The following VAT1L variants were observed in gnomAD, a reference collection of about 807,000 sequenced individuals.
VAT1L encodes putative NADPH-dependent quinone oxidoreductase VAT1L.
VAT1L carries 34 observed loss-of-function variants against 44.1 expected under a neutral mutation model. The ratio of observed to expected loss-of-function variants is 0.77; its 90% confidence interval spans 0.59 to 1.03. The LOEUF (loss-of-function observed/expected upper bound fraction) is 1.03. VAT1L is among the 50% of genes least tolerant of loss of function. The pLI, the probability that VAT1L is intolerant of heterozygous loss-of-function variation, is 0.00. For missense variants in VAT1L, 615 were observed against 538.8 expected, an observed-to-expected ratio of 1.14 and a Z score of -1.40; for synonymous variants, 253 against 202.2, an observed-to-expected ratio of 1.25 and a Z score of -2.13.
chr16:77,901,016 G>A (rs1476112803), intron 7 of VAT1L, among the ~76,000 whole-genome samples: 1 of 152,148 alleles, frequency 6.6e-6, no homozygotes, highest in Non-Finnish European at 1.5e-5. Context: ...TTCACGGTTG[G>A]CAAGCATCAA....
At chr16:77,891,150 C>T (rs1038053497) in intron 7 of VAT1L, among the ~76,000 whole-genome samples, 1 of 151,752 alleles carries the variant, frequency 6.6e-6, no homozygotes, top group East Asian at 1.9e-4. Context: ...GTGAGGAGAT[C>T]CAGACAATCC....
intron 3 of VAT1L, among the ~76,000 whole-genome samples, chr16:77,837,666 T>G (rs1207627671): frequency 1.3e-5 from 2 of 152,132 alleles, no homozygotes; most frequent in African/African-American, 2.4e-5. Flanking sequence ...GATTCTGGAG[T>G]CAGAGCTGGT....
chr16:77,970,119 C>G (rs996719883), intron 7 of VAT1L, among the ~76,000 whole-genome samples: 3 of 149,656 alleles, frequency 2.0e-5, no homozygotes, highest in Non-Finnish European at 4.4e-5. Flanking sequence ...GCCAGTAATC[C>G]TAGCTACTTG....
At chr16:77,946,279 C>CTTTTTGTTTT in intron 7 of VAT1L, among the ~76,000 whole-genome samples, 1 of 70,428 alleles carries the variant, frequency 1.4e-5, no homozygotes, top group Non-Finnish European at 2.5e-5. Flanking sequence ...GTTACTTGTT[C>CTTTTTGTTTT]TTTTTTTTTT....
intron 7 of VAT1L, among the ~76,000 whole-genome samples, chr16:77,938,148 A>G: frequency 6.6e-6 from 1 of 152,286 alleles, no homozygotes; most frequent in Middle Eastern, 3.4e-3. Flanking sequence ...ATCAGAAGTT[A>G]TTAGGGATGG....
At chr16:77,911,135 G>C (rs1189579057) in intron 7 of VAT1L, among the ~76,000 whole-genome samples, 1 of 152,204 alleles carries the variant, frequency 6.6e-6, no homozygotes, top group Non-Finnish European at 1.5e-5. Context: ...AGTAAGACCA[G>C]TGTTCAAACC....
intron 2 of VAT1L, among the ~76,000 whole-genome samples, chr16:77,819,893 A>G (rs2016422289): frequency 6.6e-6 from 1 of 152,240 alleles, no homozygotes; most frequent in Non-Finnish European, 1.5e-5. Context: ...CTTTTAGAGC[A>G]AACATGTATT....
chr16:77,850,883 T>C (rs2142433213), intron 3 of VAT1L, among the ~76,000 whole-genome samples: 1 of 152,306 alleles, frequency 6.6e-6, no homozygotes, highest in East Asian at 1.9e-4. Context: ...TGCCATCTGG[T>C]GGACTGGACG....
At position 77,862,832 on chromosome 16, in the gene VAT1L, A is replaced by C; in HGVS notation, c.664A>C (p.Lys222Gln). ...CTCTACTTTCAAGCATGAAGCAATC[A>C]AAGACTCTGTGACCCACCTCTTTGA... ...TASTFKHEAI[K>Q]DSVTHLFDRN... The change falls in exon 4 of 9, where the codon AAA becomes CAA. Residue 222 changes from lysine (K) to glutamine (Q), a missense_variant. Coordinates refer to ENST00000302536, the MANE Select transcript of VAT1L (RefSeq NM_020927.3). 1 of 1,614,116 alleles carries C rather than the reference A, an allele frequency of 6.2e-7. No homozygotes were observed.
intron 7 of VAT1L, among the ~76,000 whole-genome samples, chr16:77,914,660 G>A (rs1039371720): frequency 1.3e-5 from 2 of 151,778 alleles, no homozygotes; most frequent in African/African-American, 2.4e-5. Context: ...TATCAGTCAC[G>A]TATCAGATTT....
At chr16:77,953,033 C>G (rs753501766) in intron 7 of VAT1L, among the ~76,000 whole-genome samples, 8 of 151,678 alleles carry the variant, frequency 5.3e-5, no homozygotes, top group South Asian at 2.1e-4. Context: ...TAGGGTGGAC[C>G]CTTAATCCAA....
intron 7 of VAT1L, among the ~76,000 whole-genome samples, chr16:77,909,946 A>G (rs2017481176): frequency 6.6e-6 from 1 of 152,204 alleles, no homozygotes; most frequent in South Asian, 2.1e-4. Flanking sequence ...CCACAGGCCT[A>G]TAGAAGAATT....
intron 7 of VAT1L, among the ~76,000 whole-genome samples, chr16:77,916,386 G>A (rs1378000779): frequency 6.6e-6 from 1 of 152,186 alleles, no homozygotes; most frequent in Non-Finnish European, 1.5e-5. Context: ...CCACGAAGTA[G>A]CTGTATCGTT....
intron 7 of VAT1L, among the ~76,000 whole-genome samples, chr16:77,957,637 A>C (rs531544945): frequency 1.1e-4 from 16 of 151,948 alleles, no homozygotes; most frequent in Non-Finnish European, 1.9e-4. Context: ...AGGCAGGAGA[A>C]TCACTTGAAC....
In VAT1L at chr16:77,795,226, C is replaced by A. The variant is rs1225508118; in HGVS notation, c.233+6311C>A. Among the ~76,000 whole-genome samples, 12 of 150,044 alleles carry A rather than the reference C, an allele frequency of 8.0e-5. 1 individual carries two copies. In the Admixed American group the frequency reaches 8.0e-4, roughly 10 times the overall value. ...CATTCTGCTGCTAAAAAATTAATAG[C>A]CACCAAAGAATAACCTCACTAATGG... On this transcript the variant is annotated intron_variant, in intron 1 of 8. Coordinates refer to ENST00000302536, the MANE Select transcript of VAT1L (RefSeq NM_020927.3).
rs193054201 is a variant in VAT1L at position 77,806,470 on chromosome 16, A to T, written c.234-10451A>T. On this transcript the variant is annotated intron_variant, in intron 1 of 8. Coordinates refer to ENST00000302536, the MANE Select transcript of VAT1L (RefSeq NM_020927.3). ...GTGATCTGCCCACCTCGGCCTCCCAAAGTGTTGGGATTACAGGCGTGAGCC... is the reference window on the plus strand; with the variant it reads ...GTGATCTGCCCACCTCGGCCTCCCATAGTGTTGGGATTACAGGCGTGAGCC... Among the ~76,000 whole-genome samples, 977 of 149,630 alleles carry T rather than the reference A, an allele frequency of 6.5e-3. 22 individuals are homozygous for T. The highest frequency in any genetic ancestry group is 0.023 in the African/African-American group (945 of 40,746).
chr16:77,975,697 T>A (rs184010458), intron 8 of VAT1L, among the ~76,000 whole-genome samples: 2 of 152,360 alleles, frequency 1.3e-5, no homozygotes, highest in East Asian at 3.9e-4. Context: ...GAGTCTCTCC[T>A]GCTGAAAGCC....
chr16:77,870,452 C>G (rs1014530274), intron 4 of VAT1L, among the ~76,000 whole-genome samples: 1 of 152,192 alleles, frequency 6.6e-6, no homozygotes. Context: ...CAAAGGGTTT[C>G]TCTCTAAGTA....
intron 3 of VAT1L, among the ~76,000 whole-genome samples, chr16:77,843,829 C>T (rs1468463709): frequency 1.3e-5 from 2 of 152,214 alleles, no homozygotes; most frequent in East Asian, 3.9e-4. Flanking sequence ...GACCCCACAG[C>T]ATGGGGAGAC....
Sources: gnomAD v4.1 joint callset for allele counts (sites outside exome capture counted in the v4.1 genomes callset) on GRCh38, gnomAD v4.1.1 for gene constraint, MANE v1.5 for transcripts, NCBI Gene and HGNC (gene_info 2026-07-23, HGNC 2026-07-21) for gene names.